RELN: variants seen among roughly 807,000 people sequenced by gnomAD.
RELN encodes reelin.
In RELN, 108 loss-of-function variants were observed where a neutral mutation model predicts 427.6. The ratio of observed to expected loss-of-function variants is 0.25; its 90% CI spans 0.22 to 0.30. The LOEUF is 0.30. Among genes scored for constraint, RELN ranks in the 10% least tolerant of loss-of-function variants. The pLI, the probability that RELN is intolerant of heterozygous loss-of-function variation, is 1.00. For missense variants in RELN, 3,715 were observed against 4,302.8 expected (o/e 0.86, Z 3.82); for synonymous variants, 1,524 against 1,513.4 (o/e 1.01, Z -0.16).
At chr7:103,593,597 T>C in intron 27 of RELN, 85 bp downstream of exon 27, 1 of 1,173,780 alleles carries the variant, frequency 8.5e-7, no homozygotes, top group Non-Finnish European at 1.3e-6. Flanking sequence ...TATGAAAAAT[T>C]TGTGTTCTTT....
At chr7:103,591,182 T>C (rs1831407977) in intron 27 of RELN, among the ~76,000 whole-genome samples, 1 of 152,252 alleles carries the variant, frequency 6.6e-6, no homozygotes, top group South Asian at 2.1e-4. Context: ...CTTATATGAA[T>C]GGCTTATTTA....
At chr7:103,538,395 G>A (rs362745) in intron 45 of RELN, among the ~76,000 whole-genome samples, 1 of 151,740 alleles carries the variant, frequency 6.6e-6, no homozygotes, top group African/African-American at 2.4e-5. Flanking sequence ...CAGGTAGAGA[G>A]TCCAAGTGTG....
intron 63 of RELN, among the ~76,000 whole-genome samples, chr7:103,480,309 C>G (rs999903666): frequency 6.6e-6 from 1 of 152,108 alleles, no homozygotes; most frequent in Non-Finnish European, 1.5e-5. Flanking sequence ...GCTCTAGCTT[C>G]TTTGTGCCTC....
At chr7:103,663,808 A>G (rs1030222195) in intron 11 of RELN, among the ~76,000 whole-genome samples, 4 of 152,302 alleles carry the variant, frequency 2.6e-5, no homozygotes, top group African/African-American at 9.6e-5. Context: ...CCTAGGTTCT[A>G]GGCACACACT....
intron 58 of RELN, 114 bp downstream of exon 58, chr7:103,491,834 TCTCTC>T: frequency 1.8e-6 from 1 of 556,114 alleles, no homozygotes; most frequent in Admixed American, 2.5e-5. Flanking sequence ...TCTCTCTCTC[TCTCTC>T]TCTCTCTCTC....
At chr7:103,604,131 T>A (rs1584335933) in intron 23 of RELN, among the ~76,000 whole-genome samples, 1 of 152,148 alleles carries the variant, frequency 6.6e-6, no homozygotes, top group Non-Finnish European at 1.5e-5. Flanking sequence ...TGTCTTGAGG[T>A]TAGAGTTTGA....
chr7:103,687,035 T>A (rs1286896815), intron 10 of RELN, among the ~76,000 whole-genome samples: 1 of 152,146 alleles, frequency 6.6e-6, no homozygotes, highest in Admixed American at 6.6e-5. Flanking sequence ...AAGGAGTGTT[T>A]TTTTTCTCAT....
At chr7:103,542,125 A>G (rs1297568743) in intron 43 of RELN, among the ~76,000 whole-genome samples, 3 of 152,224 alleles carry the variant, frequency 2.0e-5, no homozygotes, top group Admixed American at 6.5e-5. Flanking sequence ...TCTTGACAGG[A>G]CATAATCCTC....
At chr7:103,764,421 A>G (rs1248013087) in intron 4 of RELN, among the ~76,000 whole-genome samples, 1 of 152,198 alleles carries the variant, frequency 6.6e-6, no homozygotes, top group African/African-American at 2.4e-5. Context: ...AGTATAGGTA[A>G]CTGCAAACTT....
intron 12 of RELN, among the ~76,000 whole-genome samples, chr7:103,657,230 C>T (rs1300614640): frequency 1.3e-5 from 2 of 151,958 alleles, no homozygotes; most frequent in African/African-American, 4.8e-5. Context: ...ACATTTATAT[C>T]ATATATTCAA....
At chr7:103,883,719 C>T (rs750662191) in intron 2 of RELN, among the ~76,000 whole-genome samples, 3 of 152,150 alleles carry the variant, frequency 2.0e-5, no homozygotes, top group Non-Finnish European at 4.4e-5. Flanking sequence ...AGGAATACAA[C>T]TTACATGGGA....
chr7:103,565,205 C>T (rs373245862), intron 34 of RELN, 73 bp downstream of exon 34: 34 of 1,528,156 alleles, frequency 2.2e-5, no homozygotes, highest in East Asian at 1.6e-4. Context: ...ATCCCCAGGC[C>T]GAATCACAAT....
Position 103,553,632 on chromosome 7 carries a change from G to A in RELN, c.5969+28C>T, listed in dbSNP as rs376396910. The A allele has an allele frequency of 4.3e-6, 7 of 1,613,036 alleles. No individual in the cohort carries two copies. In the African/African-American group the frequency reaches 6.7e-5, roughly 15 times the overall value. On this transcript the variant is annotated intron_variant, in intron 39 of 64. Transcript: ENST00000428762. ...TCATCATGATTTGTATACAGCAGTG[G>A]TTTTATTTTTAGATTCTTAATACTT...
intron 7 of RELN, among the ~76,000 whole-genome samples, chr7:103,723,787 T>C (rs913209593): frequency 3.3e-5 from 5 of 152,098 alleles, no homozygotes; most frequent in East Asian, 1.9e-4. Context: ...TTAAAGAAGG[T>C]AGAATCTGTG....
intron 11 of RELN, among the ~76,000 whole-genome samples, chr7:103,667,907 A>T (rs962767544): frequency 6.6e-6 from 1 of 152,216 alleles, no homozygotes; most frequent in African/African-American, 2.4e-5. Context: ...TTGGCAACAG[A>T]TATCAAAGGA....
At chr7:103,523,285 A>C in intron 47 of RELN, 106 bp downstream of exon 47, 2 of 1,269,656 alleles carry the variant, frequency 1.6e-6, no homozygotes, top group Non-Finnish European at 2.3e-6. Flanking sequence ...AAAAATGTAT[A>C]ACTTAAGGAA....
At chr7:103,483,268 G>A (rs886958825) in intron 62 of RELN, among the ~76,000 whole-genome samples, 1 of 152,166 alleles carries the variant, frequency 6.6e-6, no homozygotes, top group African/African-American at 2.4e-5. Context: ...TGTGCTAGAA[G>A]CTGGGCTTAC....
intron 8 of RELN, among the ~76,000 whole-genome samples, chr7:103,713,974 A>G (rs905622670): frequency 6.6e-6 from 1 of 152,208 alleles, no homozygotes; most frequent in African/African-American, 2.4e-5. Flanking sequence ...AAAATGATCT[A>G]CTGTTAAGTA....
intron 3 of RELN, among the ~76,000 whole-genome samples, chr7:103,788,317 C>T (rs1182846779): frequency 6.6e-6 from 1 of 152,032 alleles, no homozygotes; most frequent in East Asian, 1.9e-4. Flanking sequence ...CTCTTCAACA[C>T]AGTAATGGAA....
Sources: allele counts gnomAD v4.1 joint callset (sites outside exome capture counted in the v4.1 genomes callset), GRCh38; gene constraint gnomAD v4.1.1; transcripts MANE v1.5; gene names NCBI Gene and HGNC (gene_info 2026-07-23, HGNC 2026-07-21).